The following ANKRD11 variants were observed in gnomAD, a reference collection of about 807,000 sequenced individuals.
ANKRD11 encodes the protein ankyrin repeat domain 11.
ANKRD11 carries 17 observed loss-of-function variants against 195.7 expected under a neutral mutation model. That is an observed-to-expected ratio of 0.09 (90% CI 0.06 to 0.13). ANKRD11 has a LOEUF of 0.13. Among genes scored for constraint, ANKRD11 ranks in the 10% least tolerant of loss-of-function variants. ANKRD11 has a pLI of 1.00. For missense variants in ANKRD11, 3,735 were observed against 3,566.1 expected, an observed-to-expected ratio of 1.05 and a Z score of -1.21; for synonymous variants, 1,953 against 1,528.1, an observed-to-expected ratio of 1.28 and a Z score of -6.49.
rs762384138 is a variant in ANKRD11, at chr16:89,283,720, CTCT to C, written c.2819_2821del (p.Lys940del). 5 of 1,613,864 alleles carry C rather than the reference CTCT, an allele frequency of 3.1e-6. No individual in the cohort carries two copies. The highest frequency in any genetic ancestry group is 2.2e-5 in the East Asian group (1 of 44,888). ...CCGCCCGGCCTCTGCGGACTCTCTCCTCTTCTTGTCCTTTTCCGAAAGGTAGCC... is the reference window on the plus strand; with the variant it reads ...CCGCCCGGCCTCTGCGGACTCTCTCCTCTTGTCCTTTTCCGAAAGGTAGCC... On this transcript the variant is annotated inframe_deletion, in exon 9 of 13. Transcript: ENST00000301030. This position sits in a 1 kb window ranked among gnomAD's most constrained non-coding sequence, Gnocchi z 4.3.
At chr16:89,358,585 T>G (rs1301821396) in intron 2 of ANKRD11, among the ~76,000 whole-genome samples, 1 of 152,220 alleles carries the variant, frequency 6.6e-6, no homozygotes, top group Non-Finnish European at 1.5e-5. Flanking sequence ...CATTCATCTA[T>G]GTACTCACAA....
Position 89,285,428 on chromosome 16 carries a change from T to C in ANKRD11, c.1114A>G (p.Arg372Gly). The C allele has an allele frequency of 6.2e-7, 1 of 1,614,236 alleles. No individual in the cohort carries two copies. The highest frequency in any genetic ancestry group is 8.5e-7 in the Non-Finnish European group (1 of 1,180,046). Residue 372 changes from arginine to glycine, a missense_variant, in exon 9 of 13, where the codon AGA (arginine) becomes GGA (glycine). Transcript: ENST00000301030. The surrounding 1 kb of genome is among the most constrained non-coding windows in gnomAD (Gnocchi z 5.6). The part of the protein sequence containing the change: ...DDKHLLKKDY[R>G]KETKSNSFIS... ...AAACTATTGGATTTCGTTTCTTTTCTGTAGTCCTTTTTCAATAGGTGCTTG... is the reference window on the plus strand; with the variant it reads ...AAACTATTGGATTTCGTTTCTTTTCCGTAGTCCTTTTTCAATAGGTGCTTG...
rs941498163 is a variant in ANKRD11 at position 89,282,088 on chromosome 16, A to G, written c.4454T>C (p.Leu1485Pro). Reference sequence around the variant, plus strand: ...CAGGAGCTCGTCCCTGTGATGCCGCAGCAGCCCATCCGCATGCCTGTCCCG... The same window carrying G: ...CAGGAGCTCGTCCCTGTGATGCCGCGGCAGCCCATCCGCATGCCTGTCCCG... ...RHRDRHADGL[L>P]RHHRDELLRH... Residue 1485 changes from leucine (L) to proline (P), a missense_variant, in exon 9 of 13, where the codon CTG becomes CCG. Transcript: ENST00000301030. 6.2e-7 allele frequency: 1 copy of G among 1,613,726 alleles called. No individual in the cohort carries two copies. Among genetic ancestry groups the G allele is most frequent in the Non-Finnish European group, 8.5e-7 (1 of 1,179,928 alleles).
intron 2 of ANKRD11, among the ~76,000 whole-genome samples, chr16:89,399,656 T>C (rs576050066): frequency 2.7e-4 from 41 of 152,166 alleles, no homozygotes; most frequent in Non-Finnish European, 5.0e-4. Context: ...TCGTGCGGCC[T>C]GTGGGTGATG....
intron 4 of ANKRD11, among the ~76,000 whole-genome samples, chr16:89,293,679 G>A (rs1033363267): frequency 2.1e-5 from 3 of 140,914 alleles, no homozygotes; most frequent in Non-Finnish European, 4.6e-5. Flanking sequence ...GCAGAGGGAG[G>A]AGCTGGGGCA....
intron 3 of ANKRD11, among the ~76,000 whole-genome samples, chr16:89,310,516 G>A (rs1168240397): frequency 6.6e-6 from 1 of 152,178 alleles, no homozygotes; most frequent in Admixed American, 6.5e-5. Flanking sequence ...CACTGAATCT[G>A]TACATCAATG....
At chr16:89,464,876 T>A (rs1052453455) in intron 1 of ANKRD11, among the ~76,000 whole-genome samples, 1 of 152,038 alleles carries the variant, frequency 6.6e-6, no homozygotes, top group African/African-American at 2.4e-5. Context: ...GAAAAACCAA[T>A]AAAGCTACAC....
intron 2 of ANKRD11, among the ~76,000 whole-genome samples, chr16:89,381,117 G>T (rs557791931): frequency 6.6e-6 from 1 of 152,266 alleles, no homozygotes; most frequent in East Asian, 1.9e-4. Context: ...GAGATCAGGA[G>T]TTTGAGACCA....
chr16:89,281,519 C>G lies in ANKRD11; in HGVS notation c.5023G>C (p.Asp1675His). 1.2e-6 allele frequency: 2 copies of G among 1,614,198 alleles called. No homozygotes were observed. Among genetic ancestry groups the G allele is most frequent in the Non-Finnish European group, 1.7e-6 (2 of 1,180,024 alleles). The change falls in exon 9 of 13, where the codon GAC becomes CAC. Residue 1675 changes from aspartate (D) to histidine (H), a missense_variant. Coordinates refer to ENST00000301030, the MANE Select transcript of ANKRD11 (RefSeq NM_013275.6). The surrounding 1 kb of genome is among the most constrained non-coding windows in gnomAD (Gnocchi z 5.5). ...ENKLHPASGA[D>H]SKDWLAGPHM... ...GGGCCTGCCAGCCAGTCTTTGGAGT[C>G]TGCACCTGATGCTGGGTGTAGCTTA... is the stretch of plus-strand genomic sequence containing the variant.
At chr16:89,346,600 C>T (rs1057492380) in intron 2 of ANKRD11, among the ~76,000 whole-genome samples, 4 of 152,148 alleles carry the variant, frequency 2.6e-5, no homozygotes, top group African/African-American at 9.7e-5. Flanking sequence ...CCAGAAAACA[C>T]AGCCTTCAAT....
intron 2 of ANKRD11, among the ~76,000 whole-genome samples, chr16:89,359,981 T>C (rs1193630691): frequency 1.3e-5 from 2 of 150,368 alleles, no homozygotes; most frequent in Non-Finnish European, 3.0e-5. Flanking sequence ...GGGGGGGAGG[T>C]TGTACGTGTT....
chr16:89,320,989 G>A (rs763685052), intron 2 of ANKRD11: 8 of 152,370 alleles, frequency 5.3e-5, no homozygotes, highest in African/African-American at 1.7e-4. Flanking sequence ...GCACTCAGGA[G>A]GTGACAGATG....
At chr16:89,357,829 G>A (rs1245775916) in intron 2 of ANKRD11, among the ~76,000 whole-genome samples, 3 of 152,248 alleles carry the variant, frequency 2.0e-5, no homozygotes, top group Admixed American at 1.3e-4. Flanking sequence ...ACAGGACAAC[G>A]CTGCTGAAGG....
In ANKRD11 at chr16:89,285,663, G is replaced by A; in HGVS notation, c.893-14C>T. On this transcript the variant is annotated splice_polypyrimidine_tract_variant and intron_variant, in intron 8 of 12. Transcript: ENST00000301030. The surrounding 1 kb of genome is among the most constrained non-coding windows in gnomAD (Gnocchi z 5.6). The stretch of plus-strand genomic sequence containing the variant: ...CTTCTGAGCTCTCTGTTGGAGGTAG[G>A]AAGCGAGAGGTCACAGGCAGGCTCA... 3 of 1,613,914 alleles carry A rather than the reference G, an allele frequency of 1.9e-6. No homozygotes were observed. Among genetic ancestry groups the A allele is most frequent in the Middle Eastern group, 1.6e-4 (1 of 6,062 alleles).
chr16:89,361,470 C>G (rs2039729424), intron 2 of ANKRD11: 1 of 152,276 alleles, frequency 6.6e-6, no homozygotes, highest in Admixed American at 6.5e-5. Flanking sequence ...TTGTGCCAGT[C>G]CACCTGTTTA....
chr16:89,471,895 T>A (rs2057097932), intron 1 of ANKRD11, among the ~76,000 whole-genome samples: 1 of 148,952 alleles, frequency 6.7e-6, no homozygotes, highest in African/African-American at 2.5e-5. Context: ...AAGTCCTTAC[T>A]CCCCCAGTTA....
intron 1 of ANKRD11, among the ~76,000 whole-genome samples, chr16:89,449,740 C>T (rs1342961187): frequency 1.3e-5 from 2 of 152,122 alleles, no homozygotes; most frequent in African/African-American, 4.8e-5. Context: ...TTGCAGTGAG[C>T]CGAGATTGTG....
intron 1 of ANKRD11, among the ~76,000 whole-genome samples, chr16:89,435,480 C>T (rs941038838): frequency 2.0e-5 from 3 of 152,254 alleles, no homozygotes; most frequent in Middle Eastern, 3.4e-3. Flanking sequence ...AGCTGTAACC[C>T]TCAGCGCGAA....
At chr16:89,295,539 C>T (rs1156726881) in intron 4 of ANKRD11, among the ~76,000 whole-genome samples, 1 of 152,254 alleles carries the variant, frequency 6.6e-6, no homozygotes, top group East Asian at 1.9e-4. Flanking sequence ...GAGCCCCATG[C>T]CCCTTCCTGG....
Sources: gnomAD v4.1 joint callset for allele counts (sites outside exome capture counted in the v4.1 genomes callset) on GRCh38, gnomAD v4.1.1 for gene constraint, Gnocchi (gnomAD v3.1) non-coding constraint, MANE v1.5 for transcripts, NCBI Gene and HGNC (gene_info 2026-07-23, HGNC 2026-07-21) for gene names.